Variants in PRKAR1B observed in about 807,000 individuals in gnomAD.
PRKAR1B encodes cAMP-dependent protein kinase type I-beta regulatory subunit.
Under a neutral mutation model 46.5 loss-of-function variants are expected in PRKAR1B, and 22 were observed. The ratio of observed to expected loss-of-function variants is 0.47; its 90% CI spans 0.34 to 0.68. The LOEUF (loss-of-function observed/expected upper bound fraction) is 0.68. Among genes scored for constraint, PRKAR1B ranks in the 30% least tolerant of loss-of-function variants. PRKAR1B has a pLI of 0.01. For synonymous variants in PRKAR1B, 259 were observed against 217.7 expected, an observed-to-expected ratio of 1.19 and a Z score of -1.67; for missense variants, 445 against 535.6, an observed-to-expected ratio of 0.83 and a Z score of 1.67.
At chr7:650,826 C>T (rs929008873) in intron 4 of PRKAR1B, among the ~76,000 whole-genome samples, 4 of 152,180 alleles carry the variant, frequency 2.6e-5, no homozygotes, top group African/African-American at 4.8e-5. Context: ...AGGCTGGGAC[C>T]GAGCCCAGAG....
At chr7:656,978 CGGACGGATGGATGAATGGAT>C (rs1227526887) in intron 4 of PRKAR1B, among the ~76,000 whole-genome samples, 14 of 131,104 alleles carry the variant, frequency 1.1e-4, no homozygotes, top group Non-Finnish European at 1.5e-4. Context: ...CATGGATGGA[CGGACGGATGGATGAATGGAT>C]GGATGGATGG....
intron 1 of PRKAR1B, among the ~76,000 whole-genome samples, chr7:722,362 A>G (rs1051581940): frequency 6.7e-6 from 1 of 150,248 alleles, no homozygotes; most frequent in South Asian, 2.1e-4. Flanking sequence ...TCGGCCTCAC[A>G]AAGTGCTGGG....
At chr7:627,320 G>A (rs981498151) in intron 4 of PRKAR1B, among the ~76,000 whole-genome samples, 17 of 152,196 alleles carry the variant, frequency 1.1e-4, no homozygotes, top group African/African-American at 3.6e-4. Context: ...CAGCACTGGC[G>A]GAGGGTAGCG....
At chr7:726,879 G>T in intron 1 of PRKAR1B, 1 of 1,327,340 alleles carries the variant, frequency 7.5e-7, no homozygotes, top group Non-Finnish European at 9.6e-7. Context: ...TGGAGGCCCT[G>T]CGGCGCGCGC....
chr7:702,922 A>T (rs1780139222), intron 2 of PRKAR1B, among the ~76,000 whole-genome samples: 1 of 151,864 alleles, frequency 6.6e-6, no homozygotes, highest in Admixed American at 6.6e-5. Context: ...ATATATAGTA[A>T]TAAACAGTAT....
At chr7:585,019 C>T (rs868843852) in intron 7 of PRKAR1B, among the ~76,000 whole-genome samples, 4 of 152,216 alleles carry the variant, frequency 2.6e-5, no homozygotes, top group East Asian at 1.9e-4. Context: ...TGGATCCAGC[C>T]GTGCCTGAAG....
intron 4 of PRKAR1B, among the ~76,000 whole-genome samples, chr7:643,832 C>T (rs542009797): frequency 4.5e-4 from 68 of 152,296 alleles, no homozygotes; most frequent in African/African-American, 1.5e-3. Context: ...CTCAAGCCCC[C>T]GTGAGGCCTT....
At chr7:694,949 T>G (rs1779646051) in intron 2 of PRKAR1B, among the ~76,000 whole-genome samples, 1 of 149,958 alleles carries the variant, frequency 6.7e-6, no homozygotes, top group Admixed American at 6.7e-5. Context: ...GGCAGGAGAA[T>G]CGCTTGAACC....
At chr7:607,277 G>T in intron 5 of PRKAR1B, 114 bp downstream of exon 5, 1 of 1,000,594 alleles carries the variant, frequency 1.0e-6, no homozygotes, top group Non-Finnish European at 1.5e-6. Flanking sequence ...GCCTCCCAAA[G>T]TGCTGGGATT....
intron 2 of PRKAR1B, among the ~76,000 whole-genome samples, chr7:682,976 G>A (rs1407450727): frequency 2.6e-5 from 4 of 152,150 alleles, no homozygotes; most frequent in African/African-American, 9.7e-5. Context: ...TGGCTTTCCT[G>A]CCGGTCCTCT....
chr7:677,752 C>T (rs1441395668), intron 3 of PRKAR1B, among the ~76,000 whole-genome samples: 1 of 152,100 alleles, frequency 6.6e-6, no homozygotes, highest in East Asian at 1.9e-4. Context: ...AATGCAGTCA[C>T]GTGTCACGTA....
chr7:550,253 T>G lies in PRKAR1B; in HGVS notation c.*177A>C. The G allele has an allele frequency of 1.7e-6, 1 of 603,372 alleles. No individual in the cohort carries two copies. Among genetic ancestry groups the G allele is most frequent in the Non-Finnish European group, 3.0e-6 (1 of 338,860 alleles). The allele number at this position is 603,372 out of a possible 1,614,324, so 37.4% of individuals were successfully genotyped here. On this transcript the variant is annotated 3_prime_UTR_variant, in exon 11 of 11. Coordinates refer to ENST00000537384, the MANE Select transcript of PRKAR1B (RefSeq NM_001164760.2). ...GTCCGCTTGTCCTTTGATTTGGAAA[T>G]GCACAAGGTGATCATTTATTCCAAA...
chr7:716,301 T>TC (rs1780882986), intron 1 of PRKAR1B, among the ~76,000 whole-genome samples: 1 of 147,498 alleles, frequency 6.8e-6, no homozygotes, highest in Admixed American at 6.8e-5. Flanking sequence ...CCAACAATCC[T>TC]CCCACCAGCT....
At chr7:623,850 T>C (rs144902765) in intron 4 of PRKAR1B, among the ~76,000 whole-genome samples, 51 of 152,348 alleles carry the variant, frequency 3.3e-4, no homozygotes, top group African/African-American at 1.2e-3. Flanking sequence ...TGGCCAGGGT[T>C]CAGGGTATGG....
chr7:717,788 C>T (rs774610336), intron 1 of PRKAR1B, among the ~76,000 whole-genome samples: 22 of 152,158 alleles, frequency 1.4e-4, no homozygotes, highest in Non-Finnish European at 2.6e-4. Flanking sequence ...ACACATGGCT[C>T]CTGGGTGTGG....
chr7:592,149 C>T (rs1781012216), intron 7 of PRKAR1B, among the ~76,000 whole-genome samples: 2 of 152,322 alleles, frequency 1.3e-5, no homozygotes, highest in South Asian at 2.1e-4. Flanking sequence ...CCCACGTGCA[C>T]ACTGTGTGAC....
rs996735458 is a variant in PRKAR1B at position 602,088 on chromosome 7, C to A, written c.549+4105G>T. 6.6e-6 allele frequency among the ~76,000 whole-genome samples: 1 copy of A among 152,170 alleles called. No individual in the cohort carries two copies. The highest frequency in any genetic ancestry group is 1.5e-5 in the Non-Finnish European group (1 of 68,034). On this transcript the variant is annotated intron_variant, in intron 6 of 10. Transcript: ENST00000537384. The surrounding 1 kb of genome is among the most constrained non-coding windows in gnomAD (Gnocchi z 6.4). Reference sequence around the variant, plus strand: ...AGCCAGGCAGGACGCCACGACGCGTCGTGTCTGAGAGAAAACCGTCTCCCC... The same window carrying A: ...AGCCAGGCAGGACGCCACGACGCGTAGTGTCTGAGAGAAAACCGTCTCCCC...
At position 594,356 on chromosome 7, in the gene PRKAR1B, G is replaced by A. The variant is rs932778436; in HGVS notation, c.708+1790C>T. On this transcript the variant is annotated intron_variant, in intron 7 of 10. Coordinates refer to ENST00000537384, the MANE Select transcript of PRKAR1B (RefSeq NM_001164760.2). ...CACCCACCTGGCTCAACCCCTCCTC[G>A]GCCGGGCTGGACCCCGGGACCCCAG... 2.5e-4 allele frequency among the ~76,000 whole-genome samples: 38 copies of A among 152,114 alleles called. 1 individual carries two copies. The highest frequency in any genetic ancestry group is 9.7e-5 in the African/African-American group (4 of 41,416).
chr7:569,184 G>A lies in PRKAR1B; in HGVS notation c.891+10072C>T, dbSNP rs539294363. 1.7e-4 allele frequency among the ~76,000 whole-genome samples: 26 copies of A among 152,282 alleles called. 1 individual carries two copies. Among genetic ancestry groups the A allele is most frequent in the Admixed American group, 3.9e-4 (6 of 15,298 alleles). On this transcript the variant is annotated intron_variant, in intron 9 of 10. Transcript: ENST00000537384. ...GGCGTCCCTGTCTCAGTCCGCAAGCGGCATTTTACTTGAAGAAATTACTTT... is the reference window on the plus strand; with the variant it reads ...GGCGTCCCTGTCTCAGTCCGCAAGCAGCATTTTACTTGAAGAAATTACTTT...
Sources: gnomAD v4.1 joint callset for allele counts (sites outside exome capture counted in the v4.1 genomes callset) on GRCh38, gnomAD v4.1.1 for gene constraint, Gnocchi (gnomAD v3.1) non-coding constraint, MANE v1.5 for transcripts, NCBI Gene and HGNC (gene_info 2026-07-23, HGNC 2026-07-21) for gene names.